The following DENND6A variants were observed in gnomAD, a reference collection of about 807,000 sequenced individuals.
The protein encoded by DENND6A is protein DENND6A.
DENND6A carries 43 observed loss-of-function variants against 95.5 expected under a neutral mutation model. The observed-to-expected ratio is 0.45, with a 90% CI of 0.35 to 0.58. DENND6A has a LOEUF of 0.58. DENND6A is among the 20% of genes least tolerant of loss of function. The pLI, the probability that DENND6A is intolerant of heterozygous loss-of-function variation, is 0.00. For synonymous variants in DENND6A, 257 were observed against 260.4 expected (o/e 0.99, Z 0.13); for missense variants, 574 against 736.0 (o/e 0.78, Z 2.55).
At chr3:57,686,390 C>T (rs1475929492) in intron 1 of DENND6A, among the ~76,000 whole-genome samples, 1 of 152,138 alleles carries the variant, frequency 6.6e-6, no homozygotes, top group Non-Finnish European at 1.5e-5. Context: ...GCAGTAAATG[C>T]TTGTTGCCTT....
In DENND6A at chr3:57,665,660, G is replaced by A. The variant is rs547049446; in HGVS notation, c.432+463C>T. Among the ~76,000 whole-genome samples, 4 of 152,054 alleles carry A rather than the reference G, an allele frequency of 2.6e-5. No individual in the cohort carries two copies. The East Asian group carries it at 7.7e-4, about 29-fold the overall frequency. ...GCTGATAGGGCATCCAGATGAAAAC[G>A]TTCCTCATGTACTTAAAAAAAAATC... On this transcript the variant is annotated intron_variant, in intron 4 of 19. Transcript: ENST00000311128.
chr3:57,664,121 T>G (rs1328368302), intron 4 of DENND6A, among the ~76,000 whole-genome samples: 1 of 152,234 alleles, frequency 6.6e-6, no homozygotes, highest in Non-Finnish European at 1.5e-5. Context: ...AAATTCTGTT[T>G]TCTCCAATGT....
chr3:57,641,545 GC>G (rs1162349717), intron 12 of DENND6A, 107 bp downstream of exon 12: 1 of 839,844 alleles, frequency 1.2e-6, no homozygotes, highest in Non-Finnish European at 1.8e-6. Flanking sequence ...TTCTCCAAAG[GC>G]CTTGAAGAAA....
intron 15 of DENND6A, among the ~76,000 whole-genome samples, chr3:57,631,681 T>TGAAATGA (rs1245155828): frequency 6.6e-6 from 1 of 151,752 alleles, no homozygotes; most frequent in Non-Finnish European, 1.5e-5. Flanking sequence ...AATTTAGACT[T>TGAAATGA]GAAATGAGGT....
At chr3:57,679,076 C>T (rs1426965424) in intron 1 of DENND6A, among the ~76,000 whole-genome samples, 1 of 152,206 alleles carries the variant, frequency 6.6e-6, no homozygotes, top group Non-Finnish European at 1.5e-5. Context: ...CGCACTCCAC[C>T]CTGGACGACA....
At chr3:57,640,084 C>T (rs1379478823) in intron 12 of DENND6A, among the ~76,000 whole-genome samples, 4 of 151,708 alleles carry the variant, frequency 2.6e-5, no homozygotes, top group Admixed American at 2.0e-4. Context: ...AACTGGCCAA[C>T]ATGGTGAAAC....
chr3:57,663,479 A>ATAT (rs1295317336), intron 5 of DENND6A, among the ~76,000 whole-genome samples, 157 bp downstream of exon 5: 9 of 128,722 alleles, frequency 7.0e-5, no homozygotes, highest in African/African-American at 2.7e-4. Flanking sequence ...AAAAAAAAAA[A>ATAT]AAAAAAAAAT....
At chr3:57,631,712 C>T (rs1035867108) in intron 15 of DENND6A, among the ~76,000 whole-genome samples, 7 of 145,248 alleles carry the variant, frequency 4.8e-5, no homozygotes, top group Admixed American at 3.5e-4. Context: ...TTGGTCTCTG[C>T]TCTCTTTTTT....
At position 57,663,671 on chromosome 3, in the gene DENND6A, G is replaced by A. The variant is rs1430255909; in HGVS notation, c.478C>T (p.Arg160Ter). The A allele has an allele frequency of 7.6e-6, 12 of 1,581,500 alleles. No homozygotes were observed. Among genetic ancestry groups the A allele is most frequent in the Admixed American group, 3.5e-5 (2 of 57,014 alleles). The stretch of plus-strand genomic sequence containing the variant: ...TAGCCTCTTTTTAGAGTTTTATCTC[G>A]AACTTGTCGGAAATACACATATCCA... ...FYGYVYFRQV[R>*]DKTLKRGYFQ... is the part of the protein sequence containing the mutation. The change falls in exon 5 of 20, where the codon CGA (arginine) becomes TGA (stop). Residue 160 changes from arginine to a stop codon, truncating the protein, a stop_gained. Coordinates refer to ENST00000311128, the MANE Select transcript of DENND6A (RefSeq NM_152678.3). LOFTEE classifies it high-confidence loss of function.
At chr3:57,672,470 T>C in intron 1 of DENND6A, 32 bp from the exon 2 acceptor site, 17 of 1,596,118 alleles carry the variant, frequency 1.1e-5, no homozygotes, top group African/African-American at 1.3e-5. Flanking sequence ...TTGTTAAACA[T>C]ATTATAAACA....
Position 57,641,727 on chromosome 3 carries a change from A to G in DENND6A, c.1058T>C (p.Val353Ala). Reference sequence around the variant, plus strand: ...TGTCTTAGCAAAAAAAGGGTTGGTTACTCCTAATATAACTGAGGGCCTATA... The same window carrying G: ...TGTCTTAGCAAAAAAAGGGTTGGTTGCTCCTAATATAACTGAGGGCCTATA... Reference protein sequence around the residue: ...TQAPPSVILGVTNPFFAKTLQ... With the variant: ...TQAPPSVILGATNPFFAKTLQ... Residue 353 changes from valine to alanine, a missense_variant, in exon 12 of 20, where the codon GTA becomes GCA. By Grantham distance (64) the Val-to-Ala change is moderately conservative. Transcript: ENST00000311128. The G allele has an allele frequency of 6.2e-7, 1 of 1,613,354 alleles. No homozygotes were observed. Among genetic ancestry groups the G allele is most frequent in the East Asian group, 2.2e-5 (1 of 44,840 alleles).
rs1279503653 is a variant in DENND6A, at chr3:57,626,200, A to G, written c.*2014T>C. 3.9e-5 allele frequency: 6 copies of G among 152,652 alleles called. No individual in the cohort carries two copies. Among genetic ancestry groups the G allele is most frequent in the African/African-American group, 9.6e-5 (4 of 41,460 alleles). 9.5% of individuals were successfully genotyped at this position (152,652 alleles called of 1,614,324 possible). ...AGGTATGCTTCAAGAGACTGTATCC[A>G]TAAGAACAGGGCACATTTGGGTATT... On this transcript the variant is annotated 3_prime_UTR_variant, in exon 20 of 20. Coordinates refer to ENST00000311128, the MANE Select transcript of DENND6A (RefSeq NM_152678.3).
intron 1 of DENND6A, 115 bp downstream of exon 1, chr3:57,692,667 C>T: frequency 3.1e-6 from 3 of 982,534 alleles, no homozygotes; most frequent in Non-Finnish European, 4.2e-6. Flanking sequence ...AGACTGGCCA[C>T]GCCCGGATGC....
chr3:57,651,213 A>G (rs978376791), intron 9 of DENND6A, among the ~76,000 whole-genome samples: 17 of 152,242 alleles, frequency 1.1e-4, no homozygotes, highest in African/African-American at 3.9e-4. Context: ...ATGCTCCTCA[A>G]CATATGACAG....
At chr3:57,688,213 C>T (rs1033009362) in intron 1 of DENND6A, among the ~76,000 whole-genome samples, 8 of 152,020 alleles carry the variant, frequency 5.3e-5, no homozygotes, top group African/African-American at 1.4e-4. Context: ...CTACGGCGGT[C>T]TCGAACTCCT....
intron 1 of DENND6A, among the ~76,000 whole-genome samples, chr3:57,673,171 G>A (rs865830684): frequency 7.3e-5 from 9 of 123,684 alleles, no homozygotes; most frequent in Admixed American, 4.6e-4. Context: ...CTGAGATTAC[G>A]CCACTGCACT....
At chr3:57,683,256 G>A (rs1055010534) in intron 1 of DENND6A, among the ~76,000 whole-genome samples, 4 of 152,072 alleles carry the variant, frequency 2.6e-5, no homozygotes, top group African/African-American at 9.7e-5. Context: ...TAGACCAAAA[G>A]AGTAATTATT....
chr3:57,693,033 C>T lies in DENND6A; in HGVS notation c.-15G>A. 7.2e-7 allele frequency: 1 copy of T among 1,394,656 alleles called. No homozygotes were observed. The highest frequency in any genetic ancestry group is 9.2e-7 in the Non-Finnish European group (1 of 1,084,238). The allele number at this position is 1,394,656 out of a possible 1,614,324, so 86.4% of individuals were successfully genotyped here. A position where few individuals can be genotyped will look rare whatever the true frequency, so the allele number is the denominator to read the frequency against. Reference sequence around the variant, plus strand: ...CTCAAAGCCATCGGCCGCCCCCTGACCGTTCGCGCCGCCTCCACAGCGGAC... The same window carrying T: ...CTCAAAGCCATCGGCCGCCCCCTGATCGTTCGCGCCGCCTCCACAGCGGAC... On this transcript the variant is annotated 5_prime_UTR_variant, in exon 1 of 20. Coordinates refer to ENST00000311128, the MANE Select transcript of DENND6A (RefSeq NM_152678.3).
intron 9 of DENND6A, among the ~76,000 whole-genome samples, chr3:57,655,537 A>C (rs890261724): frequency 6.6e-6 from 1 of 152,234 alleles, no homozygotes. Flanking sequence ...ACATGATGCC[A>C]CAAGTGGAAA....
Sources: allele counts gnomAD v4.1 joint callset (sites outside exome capture counted in the v4.1 genomes callset), GRCh38; gene constraint gnomAD v4.1.1; transcripts MANE v1.5; gene names NCBI Gene and HGNC (gene_info 2026-07-23, HGNC 2026-07-21).